Variants in TANC1 observed in about 807,000 individuals in gnomAD.
The protein encoded by TANC1 is protein TANC1.
A neutral mutation model predicts 149.7 loss-of-function variants in TANC1; 77 were observed. The observed-to-expected ratio is 0.51, with a 90% CI of 0.43 to 0.62. The LOEUF (loss-of-function observed/expected upper bound fraction) is 0.62. Among genes scored for constraint, TANC1 ranks in the 20% least tolerant of loss-of-function variants. The probability of loss-of-function intolerance (pLI) is 0.00; values close to 1 mark genes in which losing one functional copy is unlikely to be tolerated. For synonymous variants in TANC1, 854 were observed against 925.0 expected (o/e 0.92, Z 1.39); for missense variants, 1,985 against 2,321.8 (o/e 0.85, Z 2.98).
intron 19 of TANC1, among the ~76,000 whole-genome samples, chr2:159,214,907 A>G (rs1331929273): frequency 6.6e-6 from 1 of 152,208 alleles, no homozygotes; most frequent in African/African-American, 2.4e-5. Context: ...ACAGGCCATC[A>G]TCTGGGTGGT....
chr2:159,184,093 G>A (rs992803659), intron 14 of TANC1, among the ~76,000 whole-genome samples: 11 of 152,204 alleles, frequency 7.2e-5, no homozygotes, highest in African/African-American at 2.7e-4. Flanking sequence ...ATCTAGCCAT[G>A]TGGTCTTGCA....
intron 6 of TANC1, 33 bp downstream of exon 6, chr2:159,149,305 C>T: frequency 6.2e-7 from 1 of 1,613,794 alleles, no homozygotes; most frequent in Non-Finnish European, 8.5e-7. Flanking sequence ...CATTGCATAC[C>T]TCTTCAGAGG....
intron 4 of TANC1, among the ~76,000 whole-genome samples, chr2:159,101,785 A>G (rs1352796819): frequency 6.6e-6 from 1 of 152,184 alleles, no homozygotes; most frequent in Non-Finnish European, 1.5e-5. Flanking sequence ...ATTTTCCCAG[A>G]TCACTCTGGG....
intron 5 of TANC1, among the ~76,000 whole-genome samples, chr2:159,143,071 A>AAAAAAAC: frequency 1.3e-5 from 1 of 74,218 alleles, no homozygotes; most frequent in Non-Finnish European, 3.2e-5. Flanking sequence ...TCAAAAAAAA[A>AAAAAAAC]AAAAAAACAA....
At chr2:159,040,237 T>C (rs551809668) in intron 2 of TANC1, among the ~76,000 whole-genome samples, 2 of 152,240 alleles carry the variant, frequency 1.3e-5, no homozygotes, top group East Asian at 3.9e-4. Context: ...TTTTTGAGCC[T>C]GGGGGTTGCT....
In TANC1 at chr2:159,230,917, A is replaced by G. The variant is rs752370684; in HGVS notation, c.5491A>G (p.Ile1831Val). ...TGTTTCTCATCTGTACCAGGAAAGTATCTCCAAACAGCAGCCTCATATTAG... is the reference window on the plus strand; with the variant it reads ...TGTTTCTCATCTGTACCAGGAAAGTGTCTCCAAACAGCAGCCTCATATTAG... ...KTVSHLYQES[I>V]SKQQPHISNE... Residue 1831 changes from isoleucine to valine, a missense_variant, in exon 27 of 27, where the codon ATC becomes GTC. Ile to Val is a conservative substitution (Grantham distance 29). This residue lies in a region of TANC1 where 920 missense variants were observed against 994.7 expected (regional missense o/e 0.92). Transcript: ENST00000263635. The surrounding 1 kb of genome is among the most constrained non-coding windows in gnomAD (Gnocchi z 4.4). 10 of 1,614,200 alleles carry G rather than the reference A, an allele frequency of 6.2e-6. No individual in the cohort carries two copies. Among genetic ancestry groups the G allele is most frequent in the East Asian group, 2.2e-5 (1 of 44,886 alleles).
At chr2:159,135,529 C>G (rs760592528) in intron 4 of TANC1, among the ~76,000 whole-genome samples, 4 of 152,212 alleles carry the variant, frequency 2.6e-5, no homozygotes, top group African/African-American at 4.8e-5. Context: ...TCCAGTCTTA[C>G]GAAGAATTCC....
chr2:159,039,601 G>A lies in TANC1; in HGVS notation c.-15-26295G>A, dbSNP rs529713000. 2.0e-3 allele frequency among the ~76,000 whole-genome samples: 305 copies of A among 152,178 alleles called. 1 individual carries two copies. Among genetic ancestry groups the A allele is most frequent in the Non-Finnish European group, 3.7e-3 (253 of 67,988 alleles). ...AACGTCTTTATTTCTGCCTTCATTC[G>A]TTATTTACCCGGTACTCATTCAGGA... is the stretch of plus-strand genomic sequence containing the variant. On this transcript the variant is annotated intron_variant, in intron 2 of 26. Transcript: ENST00000263635.
intron 19 of TANC1, among the ~76,000 whole-genome samples, chr2:159,210,847 A>C (rs2058936072): frequency 6.6e-6 from 1 of 151,116 alleles, no homozygotes; most frequent in Non-Finnish European, 1.5e-5. Context: ...CTGGGATTAC[A>C]GGCATGAGCC....
rs528609981 is a variant in TANC1 at position 159,008,624 on chromosome 2, G to A, written c.-16+7435G>A. On this transcript the variant is annotated intron_variant, in intron 2 of 26. Coordinates refer to ENST00000263635, the MANE Select transcript of TANC1 (RefSeq NM_033394.3). ...CCATGAGAGGATTTTTTCTTGATAT[G>A]CTAGACTCATAGTTGTCTGAATGTA... Among the ~76,000 whole-genome samples the A allele has an allele frequency of 3.9e-5, 6 of 152,238 alleles. No homozygotes were observed. The South Asian group carries it at 1.2e-3, about 32-fold the overall frequency.
rs144374362 is a variant in TANC1, at chr2:159,005,212, T to C, written c.-16+4023T>C. ...ACGTTACAGTGCTGCAGAGATTTTG[T>C]TTATGGTCAGTTTTGGGGCCAGTTT... On this transcript the variant is annotated intron_variant, in intron 2 of 26. Coordinates refer to ENST00000263635, the MANE Select transcript of TANC1 (RefSeq NM_033394.3). 5.5e-3 allele frequency among the ~76,000 whole-genome samples: 845 copies of C among 152,300 alleles called. 4 individuals carry two copies. The highest frequency in any genetic ancestry group is 0.019 in the African/African-American group (795 of 41,558).
intron 19 of TANC1, among the ~76,000 whole-genome samples, chr2:159,205,454 G>A (rs752824805): frequency 2.0e-5 from 3 of 152,340 alleles, no homozygotes; most frequent in Non-Finnish European, 4.4e-5. Flanking sequence ...TTCTGTCAGC[G>A]ATGGACTGCA....
rs774559735 is a variant in TANC1 at position 158,999,855 on chromosome 2, GAGAC to G, written c.-125-1219_-125-1216del. On this transcript the variant is annotated intron_variant, in intron 1 of 26. Coordinates refer to ENST00000263635, the MANE Select transcript of TANC1 (RefSeq NM_033394.3). ...GGACAATATAGCCTCTGTTCTCAGG[GAGAC>G]AGACAATCAAAAATTAGCGAAGTAA... Among the ~76,000 whole-genome samples the G allele has an allele frequency of 6.6e-5, 10 of 152,318 alleles. No homozygotes were observed. The South Asian group carries it at 1.7e-3, about 25-fold the overall frequency.
rs75016456 is a variant in TANC1, at chr2:159,018,252, A to G, written c.-16+17063A>G. Among the ~76,000 whole-genome samples, 28 of 152,326 alleles carry G rather than the reference A, an allele frequency of 1.8e-4. No individual in the cohort carries two copies. The East Asian group carries it at 5.4e-3, about 29-fold the overall frequency. ...CTCATACTGTATTTGCTACAGATGC[A>G]TTCCCACAAGGCTTCCAGATCGAAA... is the stretch of plus-strand genomic sequence containing the variant. On this transcript the variant is annotated intron_variant, in intron 2 of 26. Transcript: ENST00000263635.
At chr2:158,988,618 G>A (rs1051015038) in intron 1 of TANC1, among the ~76,000 whole-genome samples, 1 of 152,134 alleles carries the variant, frequency 6.6e-6, no homozygotes, top group African/African-American at 2.4e-5. Context: ...TGTTGGGGAG[G>A]ACACAGGAGA....
intron 5 of TANC1, among the ~76,000 whole-genome samples, chr2:159,140,842 C>T (rs888106176): frequency 3.9e-5 from 6 of 151,980 alleles, no homozygotes; most frequent in South Asian, 4.2e-4. Context: ...AGGCACCCAC[C>T]GCCACACCCG....
intron 2 of TANC1, among the ~76,000 whole-genome samples, chr2:159,010,460 A>G (rs917021921): frequency 6.6e-6 from 1 of 152,210 alleles, no homozygotes; most frequent in Non-Finnish European, 1.5e-5. Context: ...CTGATTCTAG[A>G]TGCATTACTC....
chr2:159,048,790 G>C (rs931052113), intron 2 of TANC1, among the ~76,000 whole-genome samples: 1 of 152,080 alleles, frequency 6.6e-6, no homozygotes, highest in African/African-American at 2.4e-5. Flanking sequence ...GTGAACAAAA[G>C]CAGAGTCTAC....
At chr2:159,156,781 G>A (rs1454858974) in intron 7 of TANC1, among the ~76,000 whole-genome samples, 1 of 152,206 alleles carries the variant, frequency 6.6e-6, no homozygotes, top group African/African-American at 2.4e-5. Flanking sequence ...TCAAAACACT[G>A]TGCTTTTTCT....
Sources: gnomAD v4.1 joint callset for allele counts (sites outside exome capture counted in the v4.1 genomes callset) on GRCh38, gnomAD v4.1.1 for gene constraint, gnomAD v4.1.1 regional missense constraint, Gnocchi (gnomAD v3.1) non-coding constraint, MANE v1.5 for transcripts, NCBI Gene and HGNC (gene_info 2026-07-23, HGNC 2026-07-21) for gene names.